PCDHGB4: variants seen among roughly 807,000 people sequenced by gnomAD.
PCDHGB4 encodes protocadherin gamma-B4.
A neutral mutation model predicts 60.5 loss-of-function variants in PCDHGB4; 38 were observed. The ratio of observed to expected loss-of-function variants is 0.63; its 90% CI spans 0.48 to 0.82. PCDHGB4 has a LOEUF of 0.82. PCDHGB4 is among the 40% of genes least tolerant of loss of function. The pLI is 0.00. For synonymous variants in PCDHGB4, 456 were observed against 509.7 expected, an observed-to-expected ratio of 0.89 and a Z score of 1.42; for missense variants, 1,109 against 1,209.6, an observed-to-expected ratio of 0.92 and a Z score of 1.23.
rs376621545 is a variant in PCDHGB4, at chr5:141,422,143, G to A, written c.2397+31862G>A. The stretch of plus-strand genomic sequence containing the variant: ...ACAAACTGGAGAAGTTCAAGTACGG[G>A]GGTCTCTGGATTTTGAAAAATATAG... On this transcript the variant is annotated intron_variant, in intron 1 of 3. Transcript: ENST00000519479. 36 of 1,583,638 alleles carry A rather than the reference G, an allele frequency of 2.3e-5. No individual in the cohort carries two copies. The African/African-American group carries it at 3.8e-4, about 17-fold the overall frequency.
intron 1 of PCDHGB4, among the ~76,000 whole-genome samples, chr5:141,405,840 A>G (rs1005736499): frequency 6.6e-6 from 1 of 152,188 alleles, no homozygotes; most frequent in African/African-American, 2.4e-5. Flanking sequence ...GTATAAGTTG[A>G]TATCAGTGTG....
chr5:141,478,521 G>A, intron 1 of PCDHGB4: 1 of 1,610,618 alleles, frequency 6.2e-7, no homozygotes, highest in Non-Finnish European at 8.5e-7. Context: ...CAGGTGTTGG[G>A]TGCAGAGAGC....
Position 141,432,014 on chromosome 5 carries a change from AACATC to A in PCDHGB4, c.2397+41737_2397+41741del. ...GGATAGGGAACAGGTTCCTAGCTAC[AACATC>A]ACAGTGACCGCCACTGACCGGGGAA... On this transcript the variant is annotated intron_variant, in intron 1 of 3. Transcript: ENST00000519479. This position sits in a 1 kb window ranked among gnomAD's most constrained non-coding sequence, Gnocchi z 6.0. 6.2e-7 allele frequency: 1 copy of A among 1,614,078 alleles called. No individual in the cohort carries two copies. The highest frequency in any genetic ancestry group is 8.5e-7 in the Non-Finnish European group (1 of 1,180,036).
chr5:141,439,364 G>A (rs1561894836), intron 1 of PCDHGB4, among the ~76,000 whole-genome samples: 2 of 152,142 alleles, frequency 1.3e-5, no homozygotes, highest in Admixed American at 1.3e-4. Context: ...CAAACATCAA[G>A]AAGAAATAAA....
rs772255343 is a variant in PCDHGB4, at chr5:141,432,272, G to C, written c.2397+41991G>C. On this transcript the variant is annotated intron_variant, in intron 1 of 3. Coordinates refer to ENST00000519479, the MANE Select transcript of PCDHGB4 (RefSeq NM_003736.4). This position sits in a 1 kb window ranked among gnomAD's most constrained non-coding sequence, Gnocchi z 6.0. ...CCAAGGGGCAAGCCTATCGTCCTAC[G>C]TGTCCATCAACTCCGACACTGGGGT... The C allele has an allele frequency of 3.1e-6, 5 of 1,614,210 alleles. No individual in the cohort carries two copies. Among genetic ancestry groups the C allele is most frequent in the Non-Finnish European group, 4.2e-6 (5 of 1,180,042 alleles).
chr5:141,416,615 C>T (rs1156238298), intron 1 of PCDHGB4: 1 of 152,088 alleles, frequency 6.6e-6, no homozygotes, highest in Non-Finnish European at 1.5e-5. Context: ...AATGCCATTT[C>T]TGCAGATCAG....
chr5:141,415,492 A>G lies in PCDHGB4; in HGVS notation c.2397+25211A>G, dbSNP rs373866182. 4 of 1,614,154 alleles carry G rather than the reference A, an allele frequency of 2.5e-6. No individual in the cohort carries two copies. The African/African-American group carries it at 4.0e-5, about 16-fold the overall frequency. On this transcript the variant is annotated intron_variant, in intron 1 of 3. Transcript: ENST00000519479. Reference sequence around the variant, plus strand: ...CGCGGACTCGCGAAAGAGTCACCTGATCTTCCCCCAGCCCAATTATGCGGA... The same window carrying G: ...CGCGGACTCGCGAAAGAGTCACCTGGTCTTCCCCCAGCCCAATTATGCGGA...
intron 1 of PCDHGB4, among the ~76,000 whole-genome samples, chr5:141,444,735 C>A (rs924159168): frequency 1.3e-5 from 2 of 152,116 alleles, no homozygotes; most frequent in Admixed American, 1.3e-4. Context: ...TGTTGAAAGT[C>A]ATTTCACTGA....
At chr5:141,415,508 A>G in intron 1 of PCDHGB4, 2 of 1,614,168 alleles carry the variant, frequency 1.2e-6, no homozygotes, top group Non-Finnish European at 1.7e-6. Flanking sequence ...CCCCAGCCCA[A>G]TTATGCGGAC....
rs1461617825 is a variant in PCDHGB4, at chr5:141,431,902, G to A, written c.2397+41621G>A. On this transcript the variant is annotated intron_variant, in intron 1 of 3. Coordinates refer to ENST00000519479, the MANE Select transcript of PCDHGB4 (RefSeq NM_003736.4). This position sits in a 1 kb window ranked among gnomAD's most constrained non-coding sequence, Gnocchi z 4.8. ...ACCAAGATTCTGAGGAAAACGGACA[G>A]GTGATCTGTTTCATCCAAGGAAATC... 1.2e-6 allele frequency: 2 copies of A among 1,613,764 alleles called. No homozygotes were observed. The highest frequency in any genetic ancestry group is 1.3e-5 in the African/African-American group (1 of 74,918).
At position 141,476,669 on chromosome 5, in the gene PCDHGB4, C is replaced by G; in HGVS notation, c.2398-18138C>G. ...AAATGAATACTTTGCGCTTCGCGTGCAGACGCGGGAGGACAGCACCAAGTA... is the reference window on the plus strand; with the variant it reads ...AAATGAATACTTTGCGCTTCGCGTGGAGACGCGGGAGGACAGCACCAAGTA... On this transcript the variant is annotated intron_variant, in intron 1 of 3. Coordinates refer to ENST00000519479, the MANE Select transcript of PCDHGB4 (RefSeq NM_003736.4). This position sits in a 1 kb window ranked among gnomAD's most constrained non-coding sequence, Gnocchi z 7.6. 6.2e-7 allele frequency: 1 copy of G among 1,614,246 alleles called. No individual in the cohort carries two copies. The highest frequency in any genetic ancestry group is 1.1e-5 in the South Asian group (1 of 91,086).
chr5:141,504,583 A>C (rs1230825472), intron 2 of PCDHGB4, among the ~76,000 whole-genome samples: 5 of 146,622 alleles, frequency 3.4e-5, no homozygotes, highest in Non-Finnish European at 7.4e-5. Context: ...CCATCTGCCC[A>C]GGATTCACAG....
intron 1 of PCDHGB4, among the ~76,000 whole-genome samples, chr5:141,405,769 C>T (rs1363688527): frequency 2.6e-5 from 4 of 152,080 alleles, no homozygotes; most frequent in Non-Finnish European, 2.9e-5. Context: ...TGAGCCACTG[C>T]GCCTGGCCCT....
At chr5:141,494,362 A>T (rs527454959) in intron 1 of PCDHGB4, among the ~76,000 whole-genome samples, 47 of 152,300 alleles carry the variant, frequency 3.1e-4, no homozygotes, top group Admixed American at 8.5e-4. Context: ...GCTGCAGAGG[A>T]TGCTTTGTTC....
chr5:141,426,848 C>A (rs1379697529), intron 1 of PCDHGB4: 1 of 456,670 alleles, frequency 2.2e-6, no homozygotes, highest in Non-Finnish European at 4.4e-6. Context: ...AAGGCAAGAA[C>A]GCTCCAGAAT....
intron 1 of PCDHGB4, chr5:141,427,316 C>G: frequency 2.2e-6 from 1 of 457,002 alleles, no homozygotes; most frequent in Non-Finnish European, 4.4e-6. Context: ...ATGCCCCAGA[C>G]GTGGTTTTTA....
intron 1 of PCDHGB4, chr5:141,393,874 G>T (rs1226947734): frequency 1.2e-6 from 2 of 1,613,826 alleles, no homozygotes; most frequent in Non-Finnish European, 1.7e-6. Flanking sequence ...TCTTTGTTTA[G>T]CCCAGTGTTA....
intron 1 of PCDHGB4, among the ~76,000 whole-genome samples, chr5:141,481,836 G>A (rs1435746995): frequency 2.7e-5 from 4 of 150,638 alleles, no homozygotes; most frequent in Non-Finnish European, 5.9e-5. Context: ...CAGGAGAATC[G>A]CTTGATGGTG....
chr5:141,413,170 A>G, intron 1 of PCDHGB4: 1 of 1,595,602 alleles, frequency 6.3e-7, no homozygotes, highest in Non-Finnish European at 8.5e-7. Flanking sequence ...CTGTAACCAG[A>G]CTACAATGGC....
Sources: gnomAD v4.1 joint callset for allele counts (sites outside exome capture counted in the v4.1 genomes callset) on GRCh38, gnomAD v4.1.1 for gene constraint, Gnocchi (gnomAD v3.1) non-coding constraint, MANE v1.5 for transcripts, NCBI Gene and HGNC (gene_info 2026-07-23, HGNC 2026-07-21) for gene names.